GRIK1: variants seen among roughly 807,000 people sequenced by gnomAD.
GRIK1 encodes the protein glutamate receptor ionotropic, kainate 1.
Under a neutral mutation model 105.7 loss-of-function variants are expected in GRIK1, and 69 were observed. That is an observed-to-expected ratio of 0.65 (90% CI 0.54 to 0.80). The LOEUF (loss-of-function observed/expected upper bound fraction) is 0.80. Among genes scored for constraint, GRIK1 ranks in the 30% least tolerant of loss-of-function variants. The pLI, the probability that GRIK1 is intolerant of heterozygous loss-of-function variation, is 0.00. For synonymous variants in GRIK1, 438 were observed against 431.3 expected (o/e 1.02, Z -0.19); for missense variants, 1,109 against 1,167.3 (o/e 0.95, Z 0.73).
intron 1 of GRIK1, among the ~76,000 whole-genome samples, chr21:29,920,543 C>T (rs796321660): frequency 6.6e-5 from 10 of 152,152 alleles, no homozygotes; most frequent in African/African-American, 2.4e-4. Flanking sequence ...TTCATAGAAC[C>T]ATGACCCTCT....
intron 7 of GRIK1, among the ~76,000 whole-genome samples, chr21:29,602,320 T>C (rs755685471): frequency 1.7e-4 from 26 of 152,220 alleles, no homozygotes; most frequent in Non-Finnish European, 3.4e-4. Context: ...TATTACTATC[T>C]GGCTGGGGAG....
intron 1 of GRIK1, among the ~76,000 whole-genome samples, chr21:29,705,438 A>G (rs1433781035): frequency 1.3e-5 from 2 of 152,182 alleles, no homozygotes; most frequent in Non-Finnish European, 2.9e-5. Context: ...TATCCCCCAA[A>G]TTCATTTGAT....
intron 1 of GRIK1, among the ~76,000 whole-genome samples, chr21:29,829,022 G>C (rs144330070): frequency 1.3e-5 from 2 of 152,114 alleles, no homozygotes; most frequent in Non-Finnish European, 2.9e-5. Context: ...GGGGTCTACT[G>C]CCATGAAGTC....
intron 7 of GRIK1, among the ~76,000 whole-genome samples, chr21:29,638,277 GGA>G (rs1430474769): frequency 6.6e-6 from 1 of 152,034 alleles, no homozygotes; most frequent in African/African-American, 2.4e-5. Flanking sequence ...CATGGCAGCA[GGA>G]GAGAGAGGAG....
intron 1 of GRIK1, among the ~76,000 whole-genome samples, chr21:29,924,483 A>G (rs1367054617): frequency 6.6e-6 from 1 of 152,204 alleles, no homozygotes; most frequent in Non-Finnish European, 1.5e-5. Context: ...AAGGTTAAGA[A>G]CAACTGCTCT....
At chr21:29,705,184 G>A (rs1353221436) in intron 1 of GRIK1, among the ~76,000 whole-genome samples, 1 of 152,204 alleles carries the variant, frequency 6.6e-6, no homozygotes, top group East Asian at 1.9e-4. Context: ...AGATATTGCT[G>A]TTAAAGATTA....
chr21:29,799,691 G>A (rs1196516354), intron 1 of GRIK1, among the ~76,000 whole-genome samples: 4 of 152,010 alleles, frequency 2.6e-5, no homozygotes, highest in South Asian at 2.1e-4. Flanking sequence ...CACCATGCCC[G>A]ACTAATTTTT....
At chr21:29,632,183 A>G (rs1157160643) in intron 7 of GRIK1, among the ~76,000 whole-genome samples, 1 of 152,006 alleles carries the variant, frequency 6.6e-6, no homozygotes, top group African/African-American at 2.4e-5. Context: ...AGCAATGCCC[A>G]TTTCCCTCTT....
intron 1 of GRIK1, among the ~76,000 whole-genome samples, chr21:29,744,562 G>GT (rs79652093): frequency 0.064 from 8,958 of 140,052 alleles, 643 homozygotes; most frequent in East Asian, 0.18. Context: ...TCTCAGCTAG[G>GT]TTTTTTTTTT....
chr21:29,825,113 G>T (rs1348171381), intron 1 of GRIK1, among the ~76,000 whole-genome samples: 1 of 152,088 alleles, frequency 6.6e-6, no homozygotes, highest in Non-Finnish European at 1.5e-5. Flanking sequence ...GATGATTAAA[G>T]AATAATTCGG....
chr21:29,577,930 A>C (rs1301084354), intron 13 of GRIK1, among the ~76,000 whole-genome samples: 1 of 152,218 alleles, frequency 6.6e-6, no homozygotes, highest in Non-Finnish European at 1.5e-5. Flanking sequence ...AGATGATTTG[A>C]AATTATGTTT....
chr21:29,767,391 A>T (rs893520007), intron 1 of GRIK1, among the ~76,000 whole-genome samples: 1 of 152,146 alleles, frequency 6.6e-6, no homozygotes, highest in Non-Finnish European at 1.5e-5. Flanking sequence ...TTCTATAATT[A>T]ATCTAGACAG....
chr21:29,618,704 C>T lies in GRIK1; in HGVS notation c.1099-19767G>A, dbSNP rs147645745. Among the ~76,000 whole-genome samples, 1,424 of 152,266 alleles carry T rather than the reference C, an allele frequency of 9.4e-3. 23 individuals are homozygous for T. Among genetic ancestry groups the T allele is most frequent in the African/African-American group, 0.033 (1,355 of 41,530 alleles). ...GCCATAAAAAGGAATGAATTAATGG[C>T]GTTCACAGCAACCTGGATGAGACTG... On this transcript the variant is annotated intron_variant, in intron 7 of 17. Transcript: ENST00000327783.
chr21:29,814,634 A>G (rs2067105269), intron 1 of GRIK1, among the ~76,000 whole-genome samples: 1 of 152,120 alleles, frequency 6.6e-6, no homozygotes, highest in Non-Finnish European at 1.5e-5. Context: ...TATGTATTAC[A>G]GGTTTGGGGT....
intron 1 of GRIK1, among the ~76,000 whole-genome samples, chr21:29,728,619 C>A (rs2064530182): frequency 6.6e-6 from 1 of 152,094 alleles, no homozygotes; most frequent in Non-Finnish European, 1.5e-5. Context: ...GTGGAGAATG[C>A]AGTGTGTCAA....
In GRIK1 at chr21:29,549,775, T is replaced by C. The variant is rs557818334; in HGVS notation, c.2607+5277A>G. Among the ~76,000 whole-genome samples, 3 of 152,200 alleles carry C rather than the reference T, an allele frequency of 2.0e-5. No individual in the cohort carries two copies. The East Asian group carries it at 5.8e-4, about 29-fold the overall frequency. ...GTGGTCTTAGCATCCATTGACATGATGGCAAGAACTGGTTGAGAATCAGTA... is the reference window on the plus strand; with the variant it reads ...GTGGTCTTAGCATCCATTGACATGACGGCAAGAACTGGTTGAGAATCAGTA... On this transcript the variant is annotated intron_variant, in intron 16 of 17. Transcript: ENST00000327783.
At chr21:29,827,510 C>G (rs1388348236) in intron 1 of GRIK1, among the ~76,000 whole-genome samples, 1 of 152,082 alleles carries the variant, frequency 6.6e-6, no homozygotes, top group Admixed American at 6.6e-5. Context: ...AATGTTCAGC[C>G]ATTGCAGCAA....
chr21:29,855,963 G>A (rs2068450858), intron 1 of GRIK1, among the ~76,000 whole-genome samples: 1 of 152,192 alleles, frequency 6.6e-6, no homozygotes, highest in East Asian at 1.9e-4. Context: ...TGGAAGACTG[G>A]AATTGGGGGG....
intron 1 of GRIK1, among the ~76,000 whole-genome samples, chr21:29,711,394 T>G (rs774783019): frequency 9.9e-5 from 15 of 152,108 alleles, no homozygotes; most frequent in Non-Finnish European, 2.2e-4. Flanking sequence ...TGTAATAAGC[T>G]ATGATGTTTG....
Sources: gnomAD v4.1 joint callset for allele counts (sites outside exome capture counted in the v4.1 genomes callset) on GRCh38, gnomAD v4.1.1 for gene constraint, MANE v1.5 for transcripts, NCBI Gene and HGNC (gene_info 2026-07-23, HGNC 2026-07-21) for gene names.